Variants in TET1 observed in about 807,000 individuals in gnomAD.
The protein encoded by TET1 is methylcytosine dioxygenase TET1.
Under a neutral mutation model 148.7 loss-of-function variants are expected in TET1, and 13 were observed. The observed-to-expected ratio is 0.09, with a 90% CI of 0.06 to 0.14. The LOEUF is 0.14. TET1 is among the 10% of genes least tolerant of loss of function. TET1 has a pLI of 1.00. For synonymous variants in TET1, 907 were observed against 937.2 expected (o/e 0.97, Z 0.59); for missense variants, 2,182 against 2,553.8 (o/e 0.85, Z 3.14).
intron 6 of TET1, among the ~76,000 whole-genome samples, chr10:68,661,315 T>C (rs1371430479): frequency 6.6e-6 from 1 of 150,750 alleles, no homozygotes; most frequent in Non-Finnish European, 1.5e-5. Context: ...CCCAAAGTGC[T>C]AGGATTACAG....
intron 3 of TET1, among the ~76,000 whole-genome samples, chr10:68,623,530 C>T (rs765094274): frequency 3.3e-5 from 5 of 152,164 alleles, no homozygotes; most frequent in Admixed American, 6.6e-5. Context: ...TAGATGGACT[C>T]GATGCCCTTG....
At position 68,682,857 on chromosome 10, in the gene TET1, C is replaced by A. The variant is rs1010032837; in HGVS notation, c.4936C>A (p.Arg1646=). The change falls in exon 10 of 12, where the codon CGA becomes AGA. Residue 1646 remains arginine, a synonymous_variant. Transcript: ENST00000373644. ...QNQVEYENVA[R]ECRLGSKEGR... The stretch of plus-strand genomic sequence containing the variant: ...CTAGGTGGAATATGAAAATGTTGCC[C>A]GAGAATGTCGGCTTGGCAGCAAGGA... 2.5e-6 allele frequency: 4 copies of A among 1,613,178 alleles called. No individual in the cohort carries two copies. The highest frequency in any genetic ancestry group is 3.4e-6 in the Non-Finnish European group (4 of 1,179,804).
intron 2 of TET1, among the ~76,000 whole-genome samples, chr10:68,579,783 T>C (rs1837838952): frequency 6.6e-6 from 1 of 152,202 alleles, no homozygotes; most frequent in African/African-American, 2.4e-5. Flanking sequence ...TTTGCCTTCA[T>C]GTATCTTCAC....
At chr10:68,647,118 C>T (rs1360057132) in intron 4 of TET1, 113 bp downstream of exon 4, 16 of 1,166,346 alleles carry the variant, frequency 1.4e-5, no homozygotes, top group Non-Finnish European at 1.9e-5. Flanking sequence ...CATTCTTATT[C>T]TAACTAAGAT....
At chr10:68,623,218 C>T (rs1564973826) in intron 3 of TET1, among the ~76,000 whole-genome samples, 2 of 152,124 alleles carry the variant, frequency 1.3e-5, no homozygotes, top group Non-Finnish European at 2.9e-5. Flanking sequence ...TTCTACCATT[C>T]CTTCTACATC....
chr10:68,663,042 TG>T (rs1242391969), intron 6 of TET1, among the ~76,000 whole-genome samples: 4 of 152,244 alleles, frequency 2.6e-5, no homozygotes, highest in Non-Finnish European at 5.9e-5. Flanking sequence ...AATTACCTGT[TG>T]GGTACAATGT....
chr10:68,686,891 CT>C lies in TET1; in HGVS notation c.5404+198del, dbSNP rs777246216. On this transcript the variant is annotated intron_variant, in intron 11 of 11. Transcript: ENST00000373644. Reference sequence around the variant, plus strand: ...TTCTTGGTAACTTTTTCGACTTATCCTTTTTTTTTTTTTTGAGAGGGAGTCT... The same window carrying C: ...TTCTTGGTAACTTTTTCGACTTATCCTTTTTTTTTTTTTGAGAGGGAGTCT... 3.7e-3 allele frequency among the ~76,000 whole-genome samples: 541 copies of C among 144,476 alleles called. 3 individuals carry two copies. The highest frequency in any genetic ancestry group is 4.6e-3 in the Non-Finnish European group (300 of 65,532). 94.8% of individuals were successfully genotyped at this position (144,476 alleles called of 152,430 possible).
intron 10 of TET1, 72 bp downstream of exon 10, chr10:68,683,045 C>A: frequency 6.7e-7 from 1 of 1,485,962 alleles, no homozygotes; most frequent in South Asian, 1.2e-5. Context: ...CTTACGTATA[C>A]TGTGATGACT....
intron 1 of TET1, among the ~76,000 whole-genome samples, chr10:68,563,973 C>T (rs2053581241): frequency 6.6e-6 from 1 of 152,144 alleles, no homozygotes; most frequent in African/African-American, 2.4e-5. Flanking sequence ...AGAACCACCG[C>T]ACCAGCCAGT....
At position 68,644,796 on chromosome 10, in the gene TET1, A is replaced by C; in HGVS notation, c.2067A>C (p.Pro689=). The change falls in exon 4 of 12, where the codon CCA becomes CCC. Residue 689 remains proline, a synonymous_variant. Coordinates refer to ENST00000373644, the MANE Select transcript of TET1 (RefSeq NM_030625.3). ...HGEEQKLELN[P]HTVENVTKNE... is the part of the protein sequence containing the mutation. ...AAGAACAAAAATTGGAATTGAACCC[A>C]CATACTGTTGAAAATGTAACTAAAA... 6.2e-7 allele frequency: 1 copy of C among 1,614,042 alleles called. No homozygotes were observed. Among genetic ancestry groups the C allele is most frequent in the South Asian group, 1.1e-5 (1 of 91,048 alleles).
rs866788522 is a variant in TET1, at chr10:68,639,240, G to C, written c.1969-5458G>C. ...AGTGCGAGACCAGCCTGGCCAACAT[G>C]GCAAAACCCAGTCCCTACTAAAAAT... On this transcript the variant is annotated intron_variant, in intron 3 of 11. Transcript: ENST00000373644. 4.0e-5 allele frequency among the ~76,000 whole-genome samples: 6 copies of C among 151,520 alleles called. No homozygotes were observed. The South Asian group carries it at 6.3e-4, about 16-fold the overall frequency.
intron 3 of TET1, among the ~76,000 whole-genome samples, chr10:68,615,036 G>T (rs1251678525): frequency 1.3e-5 from 2 of 151,970 alleles, no homozygotes; most frequent in East Asian, 3.9e-4. Context: ...CCAGGTTGAA[G>T]CAATTCTTTT....
At position 68,574,269 on chromosome 10, in the gene TET1, G is replaced by A. The variant is rs1297571436; in HGVS notation, c.1914+17G>A. On this transcript the variant is annotated intron_variant, in intron 2 of 11. Transcript: ENST00000373644. ...CCTCTGGAGGTAAGCAAACAGTCAA[G>A]GGGCTGGGAGACAGCTGACACTTGG... The A allele has an allele frequency of 1.1e-5, 17 of 1,597,500 alleles. No individual in the cohort carries two copies. The highest frequency in any genetic ancestry group is 1.4e-5 in the Non-Finnish European group (16 of 1,173,148).
intron 2 of TET1, among the ~76,000 whole-genome samples, chr10:68,591,182 G>A (rs897990910): frequency 4.6e-5 from 7 of 152,216 alleles, no homozygotes; most frequent in Non-Finnish European, 8.8e-5. Flanking sequence ...AAAAGCTAAT[G>A]TGTCATTGAC....
chr10:68,676,261 TATATA>T lies in TET1; in HGVS notation c.4824+3217_4824+3221del, dbSNP rs1448230670. On this transcript the variant is annotated intron_variant, in intron 8 of 11. Transcript: ENST00000373644. ...GTATATATATATATATATATATATA[TATATA>T]TATTTTTTTTTTTTTTTTTTTTTTT... Among the ~76,000 whole-genome samples the T allele has an allele frequency of 2.7e-3, 41 of 15,278 alleles. 1 individual carries two copies. Among genetic ancestry groups the T allele is most frequent in the African/African-American group, 8.9e-3 (40 of 4,474 alleles). 10.0% of individuals were successfully genotyped at this position (15,278 alleles called of 152,430 possible).
intron 8 of TET1, among the ~76,000 whole-genome samples, chr10:68,681,089 A>G (rs995893796): frequency 2.7e-4 from 41 of 152,224 alleles, no homozygotes; most frequent in African/African-American, 9.6e-4. Context: ...CAAGTGTGCA[A>G]TACTATTGAA....
chr10:68,652,721 C>T (rs2054955810), intron 6 of TET1, 127 bp downstream of exon 6: 2 of 627,392 alleles, frequency 3.2e-6, no homozygotes, highest in African/African-American at 1.9e-5. Flanking sequence ...TTGAGACAGG[C>T]TTTGTCGCCC....
chr10:68,675,390 AAC>A (rs2055334995), intron 8 of TET1, among the ~76,000 whole-genome samples: 3 of 152,188 alleles, frequency 2.0e-5, no homozygotes, highest in Admixed American at 1.3e-4. Flanking sequence ...AGCAAGAACA[AAC>A]ATCAAATTTC....
At chr10:68,661,098 C>G (rs545525235) in intron 6 of TET1, among the ~76,000 whole-genome samples, 1 of 151,360 alleles carries the variant, frequency 6.6e-6, no homozygotes, top group Non-Finnish European at 1.5e-5. Flanking sequence ...GGTGCGATCT[C>G]GGCTCACTGC....
Sources: allele counts gnomAD v4.1 joint callset (sites outside exome capture counted in the v4.1 genomes callset), GRCh38; gene constraint gnomAD v4.1.1; transcripts MANE v1.5; gene names NCBI Gene and HGNC (gene_info 2026-07-23, HGNC 2026-07-21).